Variants in NR6A1 observed in about 807,000 individuals in gnomAD.
NR6A1 encodes the protein nuclear receptor subfamily 6 group A member 1, also known as retinoic acid receptor-related testis-associated receptor.
NR6A1 carries 7 observed loss-of-function variants against 59.1 expected under a neutral mutation model. The observed-to-expected ratio is 0.12, with a 90% CI of 0.07 to 0.22. The LOEUF is 0.22. Among genes scored for constraint, NR6A1 ranks in the 10% least tolerant of loss-of-function variants. The pLI is 1.00. For missense variants in NR6A1, 468 were observed against 611.6 expected (o/e 0.77, Z 2.48); for synonymous variants, 243 against 236.1 (o/e 1.03, Z -0.27).
chr9:124,643,098 G>T (rs551654327), intron 2 of NR6A1, among the ~76,000 whole-genome samples: 1 of 146,740 alleles, frequency 6.8e-6, no homozygotes. Flanking sequence ...TAAAGCCCTC[G>T]GGTGGGGGGG....
chr9:124,717,563 T>C lies in NR6A1; in HGVS notation c.142+15745A>G, dbSNP rs1042241749. Among the ~76,000 whole-genome samples the C allele has an allele frequency of 2.6e-5, 4 of 152,156 alleles. No homozygotes were observed. In the East Asian group the frequency reaches 7.7e-4, roughly 29 times the overall value. ...AGAAGTTATTGCTTTTTGGGGTAAG[T>C]AGTGGGATGGACTGGGAAAAGTAAA... On this transcript the variant is annotated intron_variant, in intron 2 of 9. Transcript: ENST00000487099.
chr9:124,614,195 T>G (rs767674110), intron 2 of NR6A1, among the ~76,000 whole-genome samples: 2 of 152,110 alleles, frequency 1.3e-5, no homozygotes, highest in Non-Finnish European at 2.9e-5. Flanking sequence ...GAGAGGGCTA[T>G]GCAGAGAGAG....
At chr9:124,753,108 G>A (rs994702460) in intron 1 of NR6A1, among the ~76,000 whole-genome samples, 5 of 152,194 alleles carry the variant, frequency 3.3e-5, no homozygotes, top group African/African-American at 1.2e-4. Flanking sequence ...ACCACTGGAT[G>A]ATTTTAAATG....
intron 3 of NR6A1, among the ~76,000 whole-genome samples, chr9:124,552,505 A>C (rs1833808150): frequency 6.6e-6 from 1 of 152,222 alleles, no homozygotes; most frequent in East Asian, 1.9e-4. Flanking sequence ...TTCATCATCC[A>C]GTAAACACAG....
chr9:124,566,368 A>G (rs769690003), intron 2 of NR6A1, among the ~76,000 whole-genome samples: 2 of 152,164 alleles, frequency 1.3e-5, no homozygotes, highest in Non-Finnish European at 1.5e-5. Context: ...TATTTTATCT[A>G]TTTATCTTTA....
At chr9:124,713,801 T>C (rs1158959812) in intron 2 of NR6A1, among the ~76,000 whole-genome samples, 1 of 152,126 alleles carries the variant, frequency 6.6e-6, no homozygotes, top group Non-Finnish European at 1.5e-5. Flanking sequence ...GAACGTAAAG[T>C]GGGGCGGCAG....
At chr9:124,525,323 A>ACACG (rs10666829) in intron 8 of NR6A1, among the ~76,000 whole-genome samples, 1 of 145,056 alleles carries the variant, frequency 6.9e-6, no homozygotes, top group African/African-American at 2.6e-5. Flanking sequence ...ACACACACAC[A>ACACG]GCACCCTCCT....
chr9:124,518,659 G>T lies in NR6A1; in HGVS notation c.*4046C>A. On this transcript the variant is annotated 3_prime_UTR_variant, in exon 10 of 10. Coordinates refer to ENST00000487099, the MANE Select transcript of NR6A1 (RefSeq NM_033334.4). ...AAAGGGAGGATGATCAGTTGCAAAGGCAGAGGGGAGTGCAAGGGAACTCTC... is the reference window on the plus strand; with the variant it reads ...AAAGGGAGGATGATCAGTTGCAAAGTCAGAGGGGAGTGCAAGGGAACTCTC... 6.6e-6 allele frequency: 1 copy of T among 152,212 alleles called. No homozygotes were observed. The allele number at this position is 152,212 out of a possible 1,614,324, so 9.4% of individuals were successfully genotyped here.
At chr9:124,722,073 A>G (rs1223229582) in intron 2 of NR6A1, among the ~76,000 whole-genome samples, 1 of 152,250 alleles carries the variant, frequency 6.6e-6, no homozygotes, top group Admixed American at 6.5e-5. Flanking sequence ...TAAAAGCCAC[A>G]TCATATTTTG....
At chr9:124,546,025 G>A (rs552480721) in intron 3 of NR6A1, among the ~76,000 whole-genome samples, 112 of 152,326 alleles carry the variant, frequency 7.4e-4, no homozygotes, top group African/African-American at 2.5e-3. Context: ...TGAGGCAGGA[G>A]AATTGCTTGA....
rs144824073 is a variant in NR6A1 at position 124,753,809 on chromosome 9, A to G, written c.100+17211T>C. 5.5e-3 allele frequency among the ~76,000 whole-genome samples: 838 copies of G among 152,242 alleles called. 7 individuals carry two copies. Among genetic ancestry groups the G allele is most frequent in the African/African-American group, 0.019 (796 of 41,550 alleles). ...GACAGGAGCATTTGCTCTGGTTCTAATACTTCCCACTAAGAACCTCCAGGG... is the reference window on the plus strand; with the variant it reads ...GACAGGAGCATTTGCTCTGGTTCTAGTACTTCCCACTAAGAACCTCCAGGG... On this transcript the variant is annotated intron_variant, in intron 1 of 9. Coordinates refer to ENST00000487099, the MANE Select transcript of NR6A1 (RefSeq NM_033334.4).
chr9:124,651,197 C>CAA (rs775821171), intron 2 of NR6A1, among the ~76,000 whole-genome samples: 1 of 152,172 alleles, frequency 6.6e-6, no homozygotes, highest in Non-Finnish European at 1.5e-5. Context: ...GCTAGGACTA[C>CAA]AAGTGTGTGC....
intron 2 of NR6A1, among the ~76,000 whole-genome samples, chr9:124,571,239 T>G (rs1406430257): frequency 6.6e-6 from 1 of 152,186 alleles, no homozygotes; most frequent in Non-Finnish European, 1.5e-5. Flanking sequence ...TGTGGGTATT[T>G]AACTGTGTCT....
intron 2 of NR6A1, among the ~76,000 whole-genome samples, chr9:124,683,762 C>T (rs760524701): frequency 1.1e-4 from 17 of 152,196 alleles, no homozygotes; most frequent in Non-Finnish European, 2.2e-4. Flanking sequence ...CATTGCACTC[C>T]AGCTTGGGCA....
At chr9:124,612,818 T>TTTCTTTCTTTCTTTC (rs541907107) in intron 2 of NR6A1, among the ~76,000 whole-genome samples, 2 of 139,716 alleles carry the variant, frequency 1.4e-5, no homozygotes, top group South Asian at 4.4e-4. Context: ...TCTTTCTTTC[T>TTTCTTTCTTTCTTTC]TTTCTTTCTT....
At chr9:124,603,137 C>T (rs1044646564) in intron 2 of NR6A1, among the ~76,000 whole-genome samples, 8 of 152,146 alleles carry the variant, frequency 5.3e-5, no homozygotes, top group African/African-American at 1.4e-4. Flanking sequence ...AAATATACTA[C>T]GACATTACTC....
At chr9:124,711,038 T>C (rs973460046) in intron 2 of NR6A1, among the ~76,000 whole-genome samples, 9 of 152,120 alleles carry the variant, frequency 5.9e-5, no homozygotes, top group Admixed American at 2.0e-4. Context: ...GTTTCAAATA[T>C]GAACCATACC....
intron 2 of NR6A1, among the ~76,000 whole-genome samples, chr9:124,653,460 G>A (rs1326067415): frequency 2.0e-5 from 3 of 152,058 alleles, no homozygotes; most frequent in African/African-American, 7.2e-5. Flanking sequence ...CACCATCCTG[G>A]AGTATGGTGG....
chr9:124,597,797 C>G (rs976166512), intron 2 of NR6A1, among the ~76,000 whole-genome samples: 1 of 152,198 alleles, frequency 6.6e-6, no homozygotes, highest in African/African-American at 2.4e-5. Context: ...AGAAGATGAA[C>G]AGACACCACA....
Sources: allele counts gnomAD v4.1 joint callset (sites outside exome capture counted in the v4.1 genomes callset), GRCh38; gene constraint gnomAD v4.1.1; transcripts MANE v1.5; gene names NCBI Gene and HGNC (gene_info 2026-07-23, HGNC 2026-07-21).